The following ELMO1 variants were observed in gnomAD, a reference collection of about 807,000 sequenced individuals.
The protein encoded by ELMO1 is engulfment and cell motility protein 1.
A neutral mutation model predicts 98.9 loss-of-function variants in ELMO1; 26 were observed. That is an observed-to-expected ratio of 0.26 (90% CI 0.19 to 0.36). The LOEUF is 0.36. Among genes scored for constraint, ELMO1 ranks in the 10% least tolerant of loss-of-function variants. The pLI, the probability that ELMO1 is intolerant of heterozygous loss-of-function variation, is 1.00. For missense variants in ELMO1, 627 were observed against 935.2 expected (o/e 0.67, Z 4.30); for synonymous variants, 346 against 346.0 (o/e 1.00, Z 0.00).
chr7:37,294,559 T>C (rs1797934428), intron 4 of ELMO1, among the ~76,000 whole-genome samples: 1 of 152,160 alleles, frequency 6.6e-6, no homozygotes, highest in Non-Finnish European at 1.5e-5. Flanking sequence ...CTTTCTACAT[T>C]CTATTCTAGA....
intron 16 of ELMO1, among the ~76,000 whole-genome samples, chr7:36,917,484 A>T (rs896342552): frequency 2.6e-5 from 4 of 152,222 alleles, no homozygotes; most frequent in African/African-American, 7.2e-5. Flanking sequence ...AGGATATAAA[A>T]ATGCAATTTG....
intron 1 of ELMO1, among the ~76,000 whole-genome samples, chr7:37,364,390 C>T (rs1024737950): frequency 3.3e-5 from 5 of 152,144 alleles, no homozygotes; most frequent in Non-Finnish European, 7.4e-5. Flanking sequence ...AATATTGAAA[C>T]ATATTTATTC....
intron 15 of ELMO1, among the ~76,000 whole-genome samples, chr7:37,036,195 T>G (rs1795164212): frequency 6.6e-6 from 1 of 152,054 alleles, no homozygotes; most frequent in Non-Finnish European, 1.5e-5. Flanking sequence ...CTCTAAAAAA[T>G]TTTCCAACCT....
Position 37,079,586 on chromosome 7 carries a change from C to T in ELMO1, c.1300+17033G>A, listed in dbSNP as rs548842981. Among the ~76,000 whole-genome samples, 6 of 152,280 alleles carry T rather than the reference C, an allele frequency of 3.9e-5. No individual in the cohort carries two copies. The South Asian group carries it at 8.3e-4, about 21-fold the overall frequency. On this transcript the variant is annotated intron_variant, in intron 15 of 21. Coordinates refer to ENST00000310758, the MANE Select transcript of ELMO1 (RefSeq NM_014800.11). ...CTTAACCCATCTAGTTGGGCTCTCT[C>T]CTCCCCCACTCCGGTGAAATCACTC...
chr7:37,393,267 T>C (rs1029576090), intron 1 of ELMO1, among the ~76,000 whole-genome samples: 1 of 152,212 alleles, frequency 6.6e-6, no homozygotes, highest in Non-Finnish European at 1.5e-5. Flanking sequence ...CACCCACTAA[T>C]ACCTTAGTGA....
chr7:36,948,331 A>G (rs917860373), intron 16 of ELMO1, among the ~76,000 whole-genome samples: 2 of 152,158 alleles, frequency 1.3e-5, no homozygotes, highest in Non-Finnish European at 2.9e-5. Flanking sequence ...TGTGCAAAAG[A>G]CACCAGACTC....
chr7:37,435,417 T>C (rs527932620), intron 1 of ELMO1, among the ~76,000 whole-genome samples: 1 of 152,322 alleles, frequency 6.6e-6, no homozygotes, highest in Non-Finnish European at 1.5e-5. Flanking sequence ...AAAGCACTTA[T>C]CACTTCTAAT....
At chr7:37,043,710 C>T (rs761638645) in intron 15 of ELMO1, among the ~76,000 whole-genome samples, 287 of 152,244 alleles carry the variant, frequency 1.9e-3, no homozygotes, top group Non-Finnish European at 3.1e-3. Context: ...GAAAGGTTCC[C>T]GGTGAATCTA....
chr7:36,953,839 T>TTGTGTGTGTGTG (rs10522376), intron 16 of ELMO1, among the ~76,000 whole-genome samples: 28 of 136,276 alleles, frequency 2.1e-4, no homozygotes, highest in Non-Finnish European at 2.6e-4. Flanking sequence ...TGGGTATGTT[T>TTGTGTGTGTGTG]TGTGTGTGTG....
chr7:37,369,306 T>C (rs1378343700), intron 1 of ELMO1, among the ~76,000 whole-genome samples: 1 of 152,164 alleles, frequency 6.6e-6, no homozygotes, highest in African/African-American at 2.4e-5. Context: ...TTTGTAGTAT[T>C]TGCATTATAC....
chr7:36,941,332 ACACTAACTTT>A (rs1787014930), intron 16 of ELMO1, among the ~76,000 whole-genome samples: 2 of 152,348 alleles, frequency 1.3e-5, no homozygotes, highest in South Asian at 4.1e-4. Flanking sequence ...AGAGCTGAGA[ACACTAACTTT>A]GGAATTCCTT....
intron 1 of ELMO1, among the ~76,000 whole-genome samples, chr7:37,402,404 T>C (rs55643457): frequency 0.17 from 25,566 of 152,010 alleles, 2,470 homozygotes; most frequent in South Asian, 0.27. Flanking sequence ...GGGTTTTTCG[T>C]GGGGTAAAGG....
At chr7:36,937,951 C>T (rs550122180) in intron 16 of ELMO1, among the ~76,000 whole-genome samples, 6 of 152,346 alleles carry the variant, frequency 3.9e-5, no homozygotes, top group Admixed American at 2.6e-4. Context: ...CTGAGAAACA[C>T]TATTCTAGAA....
intron 16 of ELMO1, among the ~76,000 whole-genome samples, chr7:36,972,842 G>A (rs373846038): frequency 2.4e-4 from 37 of 152,206 alleles, no homozygotes; most frequent in African/African-American, 6.5e-4. Flanking sequence ...GTACAATGGC[G>A]CGATCTCGGC....
intron 16 of ELMO1, among the ~76,000 whole-genome samples, chr7:37,000,043 T>C (rs1792535984): frequency 1.3e-5 from 2 of 152,348 alleles, no homozygotes; most frequent in East Asian, 1.9e-4. Context: ...TCTGCTCAGC[T>C]GAGGCTTGGA....
rs112140773 is a variant in ELMO1 at position 37,245,897 on chromosome 7, A to G, written c.414-1506T>C. 5.2e-3 allele frequency among the ~76,000 whole-genome samples: 785 copies of G among 152,344 alleles called. 2 individuals are homozygous for G. Among genetic ancestry groups the G allele is most frequent in the Non-Finnish European group, 8.8e-3 (597 of 68,028 alleles). On this transcript the variant is annotated intron_variant, in intron 6 of 21. Coordinates refer to ENST00000310758, the MANE Select transcript of ELMO1 (RefSeq NM_014800.11). ...AGGGACACGCTGAGCATCAAAATCA[A>G]TAATAATAGTGATAGATTAAACCCA...
In ELMO1 at chr7:36,894,874, A is replaced by G. The variant is rs1189824621; in HGVS notation, c.1581T>C (p.Asp527=). 1 of 1,614,138 alleles carries G rather than the reference A, an allele frequency of 6.2e-7. No individual in the cohort carries two copies. ...IRQSERMNQE[D]FQSRPILELK... is the part of the protein sequence containing the mutation. ...CTTACAAAATCGGGCGGGACTGGAA[A>G]TCTTCCTGGTTCATCCTCTCGGACT... Residue 527 remains aspartate (D), a synonymous_variant, in exon 17 of 22, where the codon GAT becomes GAC. Transcript: ENST00000310758.
At chr7:37,144,617 G>A (rs944634969) in intron 13 of ELMO1, among the ~76,000 whole-genome samples, 5 of 152,078 alleles carry the variant, frequency 3.3e-5, no homozygotes, top group African/African-American at 1.2e-4. Flanking sequence ...CTTCTGAAAT[G>A]CCATTTGTTA....
chr7:36,989,719 G>A (rs888718796), intron 16 of ELMO1, among the ~76,000 whole-genome samples: 24 of 152,178 alleles, frequency 1.6e-4, no homozygotes, highest in Admixed American at 4.6e-4. Context: ...AGACAGCACA[G>A]TCTGGTGCTT....
Sources: allele counts gnomAD v4.1 joint callset (sites outside exome capture counted in the v4.1 genomes callset), GRCh38; gene constraint gnomAD v4.1.1; transcripts MANE v1.5; gene names NCBI Gene and HGNC (gene_info 2026-07-23, HGNC 2026-07-21).